NARS2: variants seen among roughly 807,000 people sequenced by gnomAD.
NARS2 encodes the protein asparaginyl-tRNA synthetase 2, mitochondrial.
Under a neutral mutation model 62.9 loss-of-function variants are expected in NARS2, and 60 were observed. The observed-to-expected ratio is 0.95, with a 90% CI of 0.77 to 1.18. The LOEUF (loss-of-function observed/expected upper bound fraction) is 1.18. NARS2 is among the 50% of genes most tolerant of loss of function. The pLI, the probability that NARS2 is intolerant of heterozygous loss-of-function variation, is 0.00. For synonymous variants in NARS2, 196 were observed against 200.0 expected, an observed-to-expected ratio of 0.98 and a Z score of 0.17; for missense variants, 619 against 576.4, an observed-to-expected ratio of 1.07 and a Z score of -0.76.
At chr11:78,453,436 T>A (rs1445011594) in intron 11 of NARS2, among the ~76,000 whole-genome samples, 1 of 151,716 alleles carries the variant, frequency 6.6e-6, no homozygotes, top group Non-Finnish European at 1.5e-5. Context: ...GCACTGAAAA[T>A]AAAACTCAGA....
intron 5 of NARS2, among the ~76,000 whole-genome samples, chr11:78,544,795 CAAAAAAAA>C (rs35180232): frequency 1.6e-5 from 1 of 63,256 alleles, no homozygotes; most frequent in Non-Finnish European, 3.0e-5. Flanking sequence ...CTCCGTCTCA[CAAAAAAAA>C]AAAAAAAAAA....
intron 9 of NARS2, among the ~76,000 whole-genome samples, chr11:78,469,939 C>T (rs987206502): frequency 2.0e-5 from 3 of 152,182 alleles, no homozygotes; most frequent in South Asian, 4.1e-4. Context: ...TGAACAGAAG[C>T]GTGCACCGAG....
chr11:78,491,267 C>G (rs1332806337), intron 7 of NARS2, among the ~76,000 whole-genome samples: 1 of 152,222 alleles, frequency 6.6e-6, no homozygotes, highest in Non-Finnish European at 1.5e-5. Context: ...GTAGTGACCA[C>G]TCTCCCCCTT....
At chr11:78,471,646 C>G (rs1397696585) in intron 9 of NARS2, among the ~76,000 whole-genome samples, 1 of 151,390 alleles carries the variant, frequency 6.6e-6, no homozygotes, top group Admixed American at 6.6e-5. Flanking sequence ...AACTCGTCAT[C>G]TAGCATTACG....
At chr11:78,571,495 A>G (rs771858824) in intron 1 of NARS2, 51 bp from the exon 2 acceptor site, 3 of 1,260,008 alleles carry the variant, frequency 2.4e-6, no homozygotes, top group Admixed American at 3.5e-5. Flanking sequence ...TTACGTTTTC[A>G]TTACACATAC....
chr11:78,441,213 T>A (rs1591118194), intron 12 of NARS2, 96 bp from the exon 13 acceptor site: 2 of 1,133,596 alleles, frequency 1.8e-6, no homozygotes, highest in African/African-American at 3.1e-5. Context: ...GAACTCTTTA[T>A]GAAGAAGTAG....
chr11:78,497,631 A>G (rs1860116818), intron 6 of NARS2, among the ~76,000 whole-genome samples: 1 of 152,220 alleles, frequency 6.6e-6, no homozygotes, highest in African/African-American at 2.4e-5. Context: ...AGGAAAATGA[A>G]CATCTATTTT....
At chr11:78,527,190 A>T (rs1281465721) in intron 6 of NARS2, among the ~76,000 whole-genome samples, 2 of 152,188 alleles carry the variant, frequency 1.3e-5, no homozygotes, top group African/African-American at 4.8e-5. Context: ...CTCTTATTCC[A>T]ACTATTAAAA....
At position 78,491,672 on chromosome 11, in the gene NARS2, T is replaced by C. The variant is rs191933773; in HGVS notation, c.822+1391A>G. On this transcript the variant is annotated intron_variant, in intron 7 of 13. Transcript: ENST00000281038. Reference sequence around the variant, plus strand: ...CAGAAGAAGCTAAGGCCTCTGTTTGTAAATGGATCACAGTTCACACTTCCC... The same window carrying C: ...CAGAAGAAGCTAAGGCCTCTGTTTGCAAATGGATCACAGTTCACACTTCCC... Among the ~76,000 whole-genome samples, 620 of 152,324 alleles carry C rather than the reference T, an allele frequency of 4.1e-3. 1 individual carries two copies. Among genetic ancestry groups the C allele is most frequent in the Non-Finnish European group, 6.5e-3 (444 of 68,042 alleles).
intron 6 of NARS2, among the ~76,000 whole-genome samples, chr11:78,514,410 ATG>A (rs1431912297): frequency 6.6e-6 from 1 of 152,152 alleles, no homozygotes; most frequent in Non-Finnish European, 1.5e-5. Context: ...GCATGACCCA[ATG>A]TGCCTGGTCA....
chr11:78,491,926 T>C (rs1223368718), intron 7 of NARS2, among the ~76,000 whole-genome samples: 1 of 151,944 alleles, frequency 6.6e-6, no homozygotes, highest in Non-Finnish European at 1.5e-5. Context: ...GACATAGAAA[T>C]GAACAGAAAG....
chr11:78,444,606 C>T (rs1332632524), intron 11 of NARS2, among the ~76,000 whole-genome samples: 1 of 151,618 alleles, frequency 6.6e-6, no homozygotes, highest in African/African-American at 2.4e-5. Context: ...GTAATCCCAG[C>T]TACTTGGGAG....
intron 2 of NARS2, among the ~76,000 whole-genome samples, chr11:78,570,184 T>C (rs1257693824): frequency 6.6e-6 from 1 of 151,710 alleles, no homozygotes; most frequent in Non-Finnish European, 1.5e-5. Context: ...AGTCAGACTC[T>C]CTCCAGGAAA....
intron 5 of NARS2, among the ~76,000 whole-genome samples, chr11:78,544,937 GC>G (rs1855798321): frequency 6.6e-6 from 1 of 151,892 alleles, no homozygotes; most frequent in Non-Finnish European, 1.5e-5. Context: ...GTGAGATCGC[GC>G]CACTGCACTC....
rs771708789 is a variant in NARS2, at chr11:78,483,721, T to C, written c.823-5038A>G. Reference sequence around the variant, plus strand: ...CTCTTCAAGGAGAACTACAAACCACTGCTCAAGGAAATAAGAGAGGACACA... The same window carrying C: ...CTCTTCAAGGAGAACTACAAACCACCGCTCAAGGAAATAAGAGAGGACACA... On this transcript the variant is annotated intron_variant, in intron 7 of 13. Coordinates refer to ENST00000281038, the MANE Select transcript of NARS2 (RefSeq NM_024678.6). Among the ~76,000 whole-genome samples, 51 of 152,112 alleles carry C rather than the reference T, an allele frequency of 3.4e-4. 1 individual carries two copies. Among genetic ancestry groups the C allele is most frequent in the Non-Finnish European group, 6.6e-4 (45 of 67,998 alleles).
At position 78,461,602 on chromosome 11, in the gene NARS2, T is replaced by TAAAAAAA. The variant is rs59664343; in HGVS notation, c.1164+4267_1164+4273dup. 3.2e-3 allele frequency among the ~76,000 whole-genome samples: 205 copies of TAAAAAAA among 64,074 alleles called. 8 individuals carry two copies. Among genetic ancestry groups the TAAAAAAA allele is most frequent in the African/African-American group, 6.4e-3 (105 of 16,414 alleles). 42.0% of individuals were successfully genotyped at this position (64,074 alleles called of 152,430 possible). On this transcript the variant is annotated intron_variant, in intron 11 of 13. Transcript: ENST00000281038. ...GAATGAGTGGGAGATGCTGTGCTGG[T>TAAAAAAA]AAAAAAAAAAAAAAAAAAAAAAAAA...
Position 78,574,545 on chromosome 11 carries a change from G to A in NARS2, c.-57C>T. On this transcript the variant is annotated 5_prime_UTR_variant, in exon 1 of 14. Transcript: ENST00000281038. ...GCCCAGACCCCACGGTTCGAACCCC[G>A]CCTGCAGCGGCCCTCCTTTCTCAGC... The A allele has an allele frequency of 1.3e-6, 2 of 1,509,256 alleles. No individual in the cohort carries two copies. Among genetic ancestry groups the A allele is most frequent in the East Asian group, 2.4e-5 (1 of 41,120 alleles). 93.5% of individuals were successfully genotyped at this position (1,509,256 alleles called of 1,614,324 possible).
intron 7 of NARS2, among the ~76,000 whole-genome samples, chr11:78,487,902 A>C (rs1859646508): frequency 6.6e-6 from 1 of 152,214 alleles, no homozygotes; most frequent in African/African-American, 2.4e-5. Context: ...AAAAACTAAG[A>C]ACTGATTGCC....
At chr11:78,489,474 T>A (rs1565232506) in intron 7 of NARS2, among the ~76,000 whole-genome samples, 1 of 152,188 alleles carries the variant, frequency 6.6e-6, no homozygotes, top group Non-Finnish European at 1.5e-5. Flanking sequence ...CAAGTAAAAC[T>A]TCCATACATT....
Sources: allele counts gnomAD v4.1 joint callset (sites outside exome capture counted in the v4.1 genomes callset), GRCh38; gene constraint gnomAD v4.1.1; transcripts MANE v1.5; gene names NCBI Gene and HGNC (gene_info 2026-07-23, HGNC 2026-07-21).